ZSWIM9: variants seen among roughly 807,000 people sequenced by gnomAD.
The protein encoded by ZSWIM9 is zinc finger SWIM-type containing 9.
A neutral mutation model predicts 25.0 loss-of-function variants in ZSWIM9; 11 were observed. That is an observed-to-expected ratio of 0.44 (90% CI 0.28 to 0.73). The LOEUF (loss-of-function observed/expected upper bound fraction) is 0.73, where lower values mean the gene tolerates loss of function less well. Among genes scored for constraint, ZSWIM9 ranks in the 30% least tolerant of loss-of-function variants. ZSWIM9 has a pLI of 0.16. For missense variants in ZSWIM9, 1,070 were observed against 1,296.5 expected (o/e 0.83, Z 2.68); for synonymous variants, 562 against 582.1 (o/e 0.97, Z 0.50).
intron 3 of ZSWIM9, among the ~76,000 whole-genome samples, chr19:48,185,125 C>T (rs977771914): frequency 6.7e-6 from 1 of 149,786 alleles, no homozygotes; most frequent in Middle Eastern, 3.2e-3. Context: ...TGTGTTTTGA[C>T]CTGCTTTCAT....
intron 3 of ZSWIM9, chr19:48,187,602 ATATAT>A (rs1195093497): frequency 2.0e-5 from 2 of 102,384 alleles, no homozygotes; most frequent in East Asian, 4.8e-4. Context: ...ATATAATATT[ATATAT>A]TATATTAATA....
rs1449449302 is a variant in ZSWIM9 at position 48,196,342 on chromosome 19, G to A, written c.2278G>A (p.Gly760Arg). Residue 760 changes from glycine to arginine, a missense_variant, in exon 4 of 4, where the codon GGG (glycine) becomes AGG (arginine). Physicochemically the swap from Gly to Arg is moderately radical, Grantham distance 125 (BLOSUM62 -2). This residue lies in a region of ZSWIM9 where 583 missense variants were observed against 624.7 expected (regional missense o/e 0.93). Transcript: ENST00000614654. ...GGGAGACGCAGGAGGGCGGTGTCTA[G>A]GGCTGGGGAATGGAGTCGTGTCTGG... ...EWGDAGGRCL[G>R]LGNGVVSGTP... 1.6e-6 allele frequency: 2 copies of A among 1,232,926 alleles called. No homozygotes were observed. Among genetic ancestry groups the A allele is most frequent in the African/African-American group, 3.1e-5 (2 of 64,392 alleles). 76.4% of individuals were successfully genotyped at this position (1,232,926 alleles called of 1,614,324 possible).
rs2037168023 is a variant in ZSWIM9, at chr19:48,196,506, AGAG to A, written c.2450_2452del (p.Glu817del). 1 of 1,231,948 alleles carries A rather than the reference AGAG, an allele frequency of 8.1e-7. No individual in the cohort carries two copies. The highest frequency in any genetic ancestry group is 1.0e-6 in the Non-Finnish European group (1 of 988,102). 76.3% of individuals were successfully genotyped at this position (1,231,948 alleles called of 1,614,324 possible). A position where few individuals can be genotyped will look rare whatever the true frequency, so the allele number is the denominator to read the frequency against. ...CAAAGAGGCTTTGCCGACCCCCGGG[AGAG>A]GAGGAGGTGGACTGGGAACCCCTGG... On this transcript the variant is annotated inframe_deletion, in exon 4 of 4. Coordinates refer to ENST00000614654, the MANE Select transcript of ZSWIM9 (RefSeq NM_199341.4).
chr19:48,182,910 T>TA lies in ZSWIM9; in HGVS notation c.588+144dup. 1.5e-6 allele frequency: 1 copy of TA among 647,310 alleles called. No homozygotes were observed. Among genetic ancestry groups the TA allele is most frequent in the Non-Finnish European group, 2.6e-6 (1 of 383,548 alleles). 40.1% of individuals were successfully genotyped at this position (647,310 alleles called of 1,614,324 possible). A position where few individuals can be genotyped will look rare whatever the true frequency, so the allele number is the denominator to read the frequency against. On this transcript the variant is annotated intron_variant, in intron 3 of 3. Transcript: ENST00000614654. The surrounding 1 kb of genome is among the most constrained non-coding windows in gnomAD (Gnocchi z 4.6). ...TCCGTTCATTCATTCAATAAGTACT[T>TA]ACCGAGGCATTGGGGATGCAGCAGC...
chr19:48,184,339 G>A (rs1380595191), intron 3 of ZSWIM9, among the ~76,000 whole-genome samples: 1 of 152,164 alleles, frequency 6.6e-6, no homozygotes. Flanking sequence ...GAGGAACAGT[G>A]AGGATGGCTG....
At position 48,197,388 on chromosome 19, in the gene ZSWIM9, G is replaced by A. The variant is rs2037181597; in HGVS notation, c.*561G>A. ...GCAGGAGAGGAAGGGACGGGATGTA[G>A]GAGGGGGAAGAAAAATCGGAGATGA... On this transcript the variant is annotated 3_prime_UTR_variant, in exon 4 of 4. Coordinates refer to ENST00000614654, the MANE Select transcript of ZSWIM9 (RefSeq NM_199341.4). The A allele has an allele frequency of 3.1e-6, 2 of 646,054 alleles. No homozygotes were observed. Among genetic ancestry groups the A allele is most frequent in the Non-Finnish European group, 5.6e-6 (2 of 359,834 alleles). 40.0% of individuals were successfully genotyped at this position (646,054 alleles called of 1,614,324 possible). A position where few individuals can be genotyped will look rare whatever the true frequency, so the allele number is the denominator to read the frequency against.
At chr19:48,177,127 A>G (rs920963335) in intron 2 of ZSWIM9, among the ~76,000 whole-genome samples, 46 of 152,284 alleles carry the variant, frequency 3.0e-4, no homozygotes, top group African/African-American at 1.1e-3. Context: ...ACCATGCCCT[A>G]GCCAGGATAT....
chr19:48,185,812 C>A (rs1006369826), intron 3 of ZSWIM9, among the ~76,000 whole-genome samples: 4 of 152,150 alleles, frequency 2.6e-5, no homozygotes, highest in African/African-American at 9.7e-5. Context: ...CATGGCAAAA[C>A]CTGATCTCTA....
chr19:48,196,446 C>T lies in ZSWIM9; in HGVS notation c.2382C>T (p.Gly794=), dbSNP rs953014113. 5 of 1,232,340 alleles carry T rather than the reference C, an allele frequency of 4.1e-6. No homozygotes were observed. The East Asian group carries it at 1.6e-4, about 39-fold the overall frequency. The allele number at this position is 1,232,340 out of a possible 1,614,324, so 76.3% of individuals were successfully genotyped here. ...GTGAACACCTGGCTGCAGGTGACGG[C>T]CTGCAGGAAGGAGGCGAAGATGGCC... is the stretch of plus-strand genomic sequence containing the variant. ...ARSEHLAAGD[G]LQEGGEDGPR... is the part of the protein sequence containing the mutation. Residue 794 remains glycine (G), a synonymous_variant, in exon 4 of 4, where the codon GGC becomes GGT. Transcript: ENST00000614654.
chr19:48,186,074 G>A (rs1390379000), intron 3 of ZSWIM9, among the ~76,000 whole-genome samples: 1 of 152,180 alleles, frequency 6.6e-6, no homozygotes, highest in Non-Finnish European at 1.5e-5. Flanking sequence ...TGCTTAATGA[G>A]GCCAGTATGA....
At chr19:48,184,505 G>A (rs1568578036) in intron 3 of ZSWIM9, among the ~76,000 whole-genome samples, 1 of 152,120 alleles carries the variant, frequency 6.6e-6, no homozygotes, top group Non-Finnish European at 1.5e-5. Flanking sequence ...AGGTCCCAAG[G>A]CAGGGTAAAG....
In ZSWIM9 at chr19:48,196,999, G is replaced by C. The variant is rs1026982353; in HGVS notation, c.*172G>C. 6.4e-6 allele frequency: 4 copies of C among 627,074 alleles called. No homozygotes were observed. The highest frequency in any genetic ancestry group is 3.7e-5 in the African/African-American group (2 of 54,126). 38.8% of individuals were successfully genotyped at this position (627,074 alleles called of 1,614,324 possible). Reference sequence around the variant, plus strand: ...GCCTCTCTGGGTCCAAGGGCAAGCTGTAAGTGGTCTCTGAGGTCCTGGAGC... The same window carrying C: ...GCCTCTCTGGGTCCAAGGGCAAGCTCTAAGTGGTCTCTGAGGTCCTGGAGC... On this transcript the variant is annotated 3_prime_UTR_variant, in exon 4 of 4. Coordinates refer to ENST00000614654, the MANE Select transcript of ZSWIM9 (RefSeq NM_199341.4).
chr19:48,171,511 C>A, intron 1 of ZSWIM9: 2 of 484,944 alleles, frequency 4.1e-6, no homozygotes, highest in Non-Finnish European at 5.4e-6. Context: ...GGAGAGATTC[C>A]AACTGTACCT....
intron 2 of ZSWIM9, among the ~76,000 whole-genome samples, chr19:48,177,669 C>T (rs2036906841): frequency 6.6e-6 from 1 of 152,110 alleles, no homozygotes; most frequent in Non-Finnish European, 1.5e-5. Context: ...AAGGGGCTGT[C>T]CTAGGGCCTG....
chr19:48,191,466 A>G (rs546952860), intron 3 of ZSWIM9, among the ~76,000 whole-genome samples: 2 of 152,234 alleles, frequency 1.3e-5, no homozygotes, highest in African/African-American at 4.8e-5. Context: ...CGGCTTCCCA[A>G]AGTGCTGGGA....
rs1456429236 is a variant in ZSWIM9 at position 48,194,518 on chromosome 19, G to A, written c.589-135G>A. ...CTGCACTGCCTCCTGCCGGTCAAAA[G>A]AATAAATGCATATGCAGGCAAGAAT... On this transcript the variant is annotated intron_variant, in intron 3 of 3. Coordinates refer to ENST00000614654, the MANE Select transcript of ZSWIM9 (RefSeq NM_199341.4). This position sits in a 1 kb window ranked among gnomAD's most constrained non-coding sequence, Gnocchi z 6.0. The A allele has an allele frequency of 3.6e-5, 34 of 941,060 alleles. No individual in the cohort carries two copies. The highest frequency in any genetic ancestry group is 4.3e-5 in the Non-Finnish European group (30 of 691,484). 58.3% of individuals were successfully genotyped at this position (941,060 alleles called of 1,614,324 possible).
intron 3 of ZSWIM9, among the ~76,000 whole-genome samples, chr19:48,189,118 C>T (rs975027928): frequency 1.3e-5 from 2 of 152,120 alleles, no homozygotes; most frequent in Non-Finnish European, 2.9e-5. Flanking sequence ...GAACACTCAC[C>T]CTTAGGCTCA....
intron 3 of ZSWIM9, among the ~76,000 whole-genome samples, chr19:48,186,289 G>A (rs1447907790): frequency 8.4e-6 from 1 of 119,678 alleles, no homozygotes; most frequent in Non-Finnish European, 1.8e-5. Flanking sequence ...TGTACACGCT[G>A]TTTTTGTTTG....
chr19:48,182,562 C>T lies in ZSWIM9; in HGVS notation c.383C>T (p.Pro128Leu). The T allele has an allele frequency of 2.0e-6, 3 of 1,535,894 alleles. No individual in the cohort carries two copies. Among genetic ancestry groups the T allele is most frequent in the South Asian group, 1.2e-5 (1 of 84,042 alleles). The change falls in exon 3 of 4, where the codon CCG becomes CTG. Residue 128 changes from proline (P) to leucine (L), a missense_variant. Physicochemically the swap from Pro to Leu is moderately conservative, Grantham distance 98. Transcript: ENST00000614654. This position sits in a 1 kb window ranked among gnomAD's most constrained non-coding sequence, Gnocchi z 4.6. ...CQLTHSHPAC[P>L]LEFAYYFRPG... Reference sequence around the variant, plus strand: ...CTGACCCACTCACACCCGGCCTGCCCGCTGGAGTTCGCCTACTACTTCCGC... The same window carrying T: ...CTGACCCACTCACACCCGGCCTGCCTGCTGGAGTTCGCCTACTACTTCCGC...
Sources: allele counts gnomAD v4.1 joint callset (sites outside exome capture counted in the v4.1 genomes callset), GRCh38; gene constraint gnomAD v4.1.1; regional missense constraint gnomAD v4.1.1; non-coding constraint Gnocchi (gnomAD v3.1); transcripts MANE v1.5; gene names NCBI Gene and HGNC (gene_info 2026-07-23, HGNC 2026-07-21).